LRRFIP1: variants seen among roughly 807,000 people sequenced by gnomAD.
LRRFIP1 encodes the protein leucine-rich repeat flightless-interacting protein 1.
LRRFIP1 carries 62 observed loss-of-function variants against 104.4 expected under a neutral mutation model. The observed-to-expected ratio is 0.59, with a 90% CI of 0.48 to 0.73. The LOEUF (loss-of-function observed/expected upper bound fraction) is 0.73. Among genes scored for constraint, LRRFIP1 ranks in the 30% least tolerant of loss-of-function variants. LRRFIP1 has a pLI of 0.00. For synonymous variants in LRRFIP1, 300 were observed against 299.0 expected, an observed-to-expected ratio of 1.00 and a Z score of -0.03; for missense variants, 796 against 824.5, an observed-to-expected ratio of 0.97 and a Z score of 0.42.
At chr2:237,772,276 G>A in intron 21 of LRRFIP1, 78 bp downstream of exon 21, 1 of 1,159,514 alleles carries the variant, frequency 8.6e-7, no homozygotes, top group Non-Finnish European at 1.3e-6. Flanking sequence ...AGAGAAAACT[G>A]TCACGGCAAA....
At chr2:237,667,412 T>G (rs1434002526) in intron 1 of LRRFIP1, among the ~76,000 whole-genome samples, 1 of 152,238 alleles carries the variant, frequency 6.6e-6, no homozygotes. Flanking sequence ...TTGCATAGTA[T>G]TCCATGGTGT....
chr2:237,754,819 G>C (rs932759894), intron 15 of LRRFIP1, among the ~76,000 whole-genome samples: 1 of 152,216 alleles, frequency 6.6e-6, no homozygotes, highest in Non-Finnish European at 1.5e-5. Context: ...GGCCTGTAAT[G>C]CATATGCATT....
rs117403832 is a variant in LRRFIP1 at position 237,686,041 on chromosome 2, G to A, written c.97-22503G>A. On this transcript the variant is annotated intron_variant, in intron 1 of 23. Coordinates refer to ENST00000308482, the MANE Select transcript of LRRFIP1 (RefSeq NM_001137550.2). ...CTGACTCTCTAACTACCCCTTCTCT[G>A]TCTTGACTTGTTCTTACACACCTCT... 3.1e-3 allele frequency among the ~76,000 whole-genome samples: 474 copies of A among 152,264 alleles called. 8 individuals carry two copies. The East Asian group carries it at 0.047, about 15-fold the overall frequency.
intron 1 of LRRFIP1, among the ~76,000 whole-genome samples, chr2:237,702,310 T>TC (rs2093581479): frequency 6.6e-6 from 1 of 152,198 alleles, no homozygotes; most frequent in Non-Finnish European, 1.5e-5. Flanking sequence ...AATCTTTTTT[T>TC]CCCAGCCATC....
intron 1 of LRRFIP1, among the ~76,000 whole-genome samples, chr2:237,680,973 C>A (rs1292525575): frequency 6.6e-6 from 1 of 151,936 alleles, no homozygotes; most frequent in Non-Finnish European, 1.5e-5. Context: ...ACAGTGAGAC[C>A]CTGTGTCAAA....
chr2:237,733,892 C>T, intron 9 of LRRFIP1, 74 bp downstream of exon 9: 13 of 1,518,214 alleles, frequency 8.6e-6, no homozygotes, highest in South Asian at 1.1e-5. Flanking sequence ...AAGCCCAGAG[C>T]CGGGGATGTG....
chr2:237,743,569 G>A lies in LRRFIP1; in HGVS notation c.633+4260G>A, dbSNP rs532980872. ...GCTGTGTTTTCTTCCTCTCCAGCACGACCAGGATCTTCTCCTTGAGGAAGT... is the reference window on the plus strand; with the variant it reads ...GCTGTGTTTTCTTCCTCTCCAGCACAACCAGGATCTTCTCCTTGAGGAAGT... On this transcript the variant is annotated intron_variant, in intron 11 of 23. Coordinates refer to ENST00000308482, the MANE Select transcript of LRRFIP1 (RefSeq NM_001137550.2). Among the ~76,000 whole-genome samples, 28 of 152,222 alleles carry A rather than the reference G, an allele frequency of 1.8e-4. No individual in the cohort carries two copies. The South Asian group carries it at 5.2e-3, about 28-fold the overall frequency.
At chr2:237,685,949 T>G (rs1487704679) in intron 1 of LRRFIP1, among the ~76,000 whole-genome samples, 3 of 152,258 alleles carry the variant, frequency 2.0e-5, no homozygotes, top group Non-Finnish European at 4.4e-5. Flanking sequence ...TTTTTCTAGT[T>G]GCAAATTAAA....
rs1022218591 is a variant in LRRFIP1, at chr2:237,656,578, C to T, written c.96+28838C>T. 4.6e-5 allele frequency among the ~76,000 whole-genome samples: 7 copies of T among 152,182 alleles called. No homozygotes were observed. The East Asian group carries it at 1.3e-3, about 29-fold the overall frequency. On this transcript the variant is annotated intron_variant, in intron 1 of 23. Transcript: ENST00000308482. The stretch of plus-strand genomic sequence containing the variant: ...AAGAACATGGTGCCTGGTATTCCTG[C>T]GTGCACACTGAGCATTGTCTAGGAC...
chr2:237,708,005 C>A (rs2093897922), intron 1 of LRRFIP1, among the ~76,000 whole-genome samples: 1 of 152,316 alleles, frequency 6.6e-6, no homozygotes, highest in African/African-American at 2.4e-5. Flanking sequence ...AGTCCCAGCT[C>A]CACGCCAGCC....
chr2:237,746,328 G>A (rs2057850066), intron 11 of LRRFIP1, among the ~76,000 whole-genome samples: 1 of 152,016 alleles, frequency 6.6e-6, no homozygotes, highest in African/African-American at 2.4e-5. Flanking sequence ...CAAAGTACTG[G>A]GATTACAGAC....
At chr2:237,739,661 A>G (rs758261380) in intron 11 of LRRFIP1, among the ~76,000 whole-genome samples, 1 of 152,154 alleles carries the variant, frequency 6.6e-6, no homozygotes, top group Admixed American at 6.5e-5. Context: ...TGGCCTGTAG[A>G]TCCCGGGACG....
intron 2 of LRRFIP1, 89 bp downstream of exon 2, chr2:237,708,719 G>T (rs1404210751): frequency 1.4e-6 from 2 of 1,381,490 alleles, no homozygotes; most frequent in South Asian, 1.2e-5. Context: ...TGCTGCAGAC[G>T]CACCTGGCTG....
intron 17 of LRRFIP1, among the ~76,000 whole-genome samples, chr2:237,758,381 C>T (rs1223061349): frequency 6.6e-6 from 1 of 152,120 alleles, no homozygotes; most frequent in Non-Finnish European, 1.5e-5. Flanking sequence ...CTTTACTGAC[C>T]CCTCATTCAA....
At chr2:237,707,070 C>T (rs950600318) in intron 1 of LRRFIP1, among the ~76,000 whole-genome samples, 15 of 152,072 alleles carry the variant, frequency 9.9e-5, no homozygotes, top group African/African-American at 2.2e-4. Flanking sequence ...AGGAGCCAAG[C>T]GAATAGAACA....
intron 1 of LRRFIP1, among the ~76,000 whole-genome samples, chr2:237,704,290 T>G (rs1042180513): frequency 2.0e-5 from 3 of 151,878 alleles, no homozygotes; most frequent in Admixed American, 1.3e-4. Flanking sequence ...GTAGCTGGGA[T>G]TACAGGTGCC....
In LRRFIP1 at chr2:237,779,581, C is replaced by G; in HGVS notation, c.*49C>G. 3 of 1,488,042 alleles carry G rather than the reference C, an allele frequency of 2.0e-6. No individual in the cohort carries two copies. Among genetic ancestry groups the G allele is most frequent in the Non-Finnish European group, 2.8e-6 (3 of 1,068,768 alleles). The allele number at this position is 1,488,042 out of a possible 1,614,324, so 92.2% of individuals were successfully genotyped here. On this transcript the variant is annotated 3_prime_UTR_variant, in exon 24 of 24. Coordinates refer to ENST00000308482, the MANE Select transcript of LRRFIP1 (RefSeq NM_001137550.2). ...GGTTGGTGACTGGAGAGCATTGTTT[C>G]ATAGGCTTTTCTCTGTCCTATCTGG...
intron 11 of LRRFIP1, among the ~76,000 whole-genome samples, chr2:237,740,977 G>T (rs377632115): frequency 6.6e-6 from 1 of 152,210 alleles, no homozygotes; most frequent in African/African-American, 2.4e-5. Flanking sequence ...TTCTCTGGGG[G>T]AAGACTCTCC....
At chr2:237,739,399 A>C in intron 11 of LRRFIP1, 90 bp downstream of exon 11, 18 of 1,122,280 alleles carry the variant, frequency 1.6e-5, no homozygotes, top group Non-Finnish European at 2.2e-5. Context: ...CAAATTTAGA[A>C]TATTACTCTG....
Sources: gnomAD v4.1 joint callset for allele counts (sites outside exome capture counted in the v4.1 genomes callset) on GRCh38, gnomAD v4.1.1 for gene constraint, MANE v1.5 for transcripts, NCBI Gene and HGNC (gene_info 2026-07-23, HGNC 2026-07-21) for gene names.